Variants in RBM47 observed in about 807,000 individuals in gnomAD.
RBM47 encodes the protein RNA binding motif protein 47, also known as RNA-binding protein 47.
In RBM47, 21 loss-of-function variants were observed where a neutral mutation model predicts 47.1. That is an observed-to-expected ratio of 0.45 (90% CI 0.32 to 0.64). The LOEUF is 0.64. Ranked by LOEUF, RBM47 falls within the 30% of genes least tolerant of loss-of-function variation. The pLI, the probability that RBM47 is intolerant of heterozygous loss-of-function variation, is 0.05. For synonymous variants in RBM47, 375 were observed against 361.7 expected (o/e 1.04, Z -0.42); for missense variants, 708 against 870.9 (o/e 0.81, Z 2.35).
chr4:40,532,319 T>C (rs1727477671), intron 2 of RBM47, among the ~76,000 whole-genome samples: 1 of 140,294 alleles, frequency 7.1e-6, no homozygotes, highest in Admixed American at 7.2e-5. Flanking sequence ...ATTTTTTTTT[T>C]TTTTTTTTTT....
intron 2 of RBM47, among the ~76,000 whole-genome samples, chr4:40,506,338 G>C (rs1724097184): frequency 6.6e-6 from 1 of 152,180 alleles, no homozygotes; most frequent in South Asian, 2.1e-4. Flanking sequence ...TAAGAGTCCG[G>C]TTCCGTTCAT....
intron 1 of RBM47, among the ~76,000 whole-genome samples, chr4:40,622,813 C>T (rs1409111596): frequency 1.3e-5 from 2 of 152,182 alleles, no homozygotes; most frequent in Non-Finnish European, 2.9e-5. Context: ...GCCTGGAAGG[C>T]AGAGGTTGCA....
chr4:40,568,293 C>T (rs34065586), intron 1 of RBM47, among the ~76,000 whole-genome samples: 5,170 of 151,334 alleles, frequency 0.034, 322 homozygotes, highest in African/African-American at 0.12. Flanking sequence ...CTGGGCATGG[C>T]GGCGCAGTGC....
intron 2 of RBM47, among the ~76,000 whole-genome samples, chr4:40,513,952 C>G (rs1215294885): frequency 1.3e-5 from 2 of 152,090 alleles, no homozygotes; most frequent in Non-Finnish European, 2.9e-5. Context: ...CTCCTGACCT[C>G]AAGTGATCCA....
chr4:40,604,563 G>A (rs13119868), intron 1 of RBM47, among the ~76,000 whole-genome samples: 57,252 of 151,776 alleles, frequency 0.38, 11,341 homozygotes, highest in African/African-American at 0.43. Flanking sequence ...GGAGTTAAAG[G>A]CTGCAGTGAG....
intron 3 of RBM47, among the ~76,000 whole-genome samples, chr4:40,453,474 TCTA>T (rs1207638872): frequency 6.6e-6 from 1 of 152,234 alleles, no homozygotes; most frequent in Non-Finnish European, 1.5e-5. Context: ...CAGTAGAAGT[TCTA>T]CTTATCCTCT....
chr4:40,558,585 T>C (rs1411343962), intron 1 of RBM47, among the ~76,000 whole-genome samples: 1 of 149,862 alleles, frequency 6.7e-6, no homozygotes. Context: ...CCCAGCACTT[T>C]GGGAGGCTGA....
At chr4:40,574,379 T>C (rs1187333711) in intron 1 of RBM47, among the ~76,000 whole-genome samples, 1 of 152,204 alleles carries the variant, frequency 6.6e-6, no homozygotes, top group Non-Finnish European at 1.5e-5. Flanking sequence ...GACACCCGAC[T>C]GAGACAAACT....
Position 40,426,163 on chromosome 4 carries a change from A to G in RBM47, c.1543-20T>C, listed in dbSNP as rs1715008475. ...GCGGCCCTGAGGAGAAGAGACAAAAAGGAGCCTTCCTGAACACGTGTATGT... is the reference window on the plus strand; with the variant it reads ...GCGGCCCTGAGGAGAAGAGACAAAAGGGAGCCTTCCTGAACACGTGTATGT... On this transcript the variant is annotated intron_variant, in intron 6 of 6. Coordinates refer to ENST00000295971, the MANE Select transcript of RBM47 (RefSeq NM_001098634.2). 1 of 1,611,072 alleles carries G rather than the reference A, an allele frequency of 6.2e-7. No homozygotes were observed. The highest frequency in any genetic ancestry group is 1.3e-5 in the African/African-American group (1 of 74,842).
At chr4:40,494,534 G>T (rs1722317632) in intron 2 of RBM47, among the ~76,000 whole-genome samples, 1 of 152,204 alleles carries the variant, frequency 6.6e-6, no homozygotes, top group Non-Finnish European at 1.5e-5. Context: ...GGAACAAGGT[G>T]TCATTCAGCT....
chr4:40,601,238 C>T (rs900439542), intron 1 of RBM47, among the ~76,000 whole-genome samples: 30 of 152,182 alleles, frequency 2.0e-4, no homozygotes, highest in African/African-American at 7.2e-4. Flanking sequence ...TCTGAGTCTA[C>T]TTGCTCAACT....
intron 1 of RBM47, among the ~76,000 whole-genome samples, chr4:40,599,207 G>A (rs6840983): frequency 0.052 from 7,449 of 143,294 alleles, 230 homozygotes; most frequent in Middle Eastern, 0.12. Flanking sequence ...GCAGTGGGCC[G>A]AGATCACACC....
At chr4:40,563,409 C>T (rs6841258) in intron 1 of RBM47, among the ~76,000 whole-genome samples, 41,905 of 148,524 alleles carry the variant, frequency 0.28, 7,771 homozygotes, top group African/African-American at 0.56. Context: ...GCTGTAGAAG[C>T]GGTAAAATCA....
chr4:40,478,945 C>T lies in RBM47; in HGVS notation c.-154-12246G>A, dbSNP rs1297874237. Among the ~76,000 whole-genome samples, 3 of 152,226 alleles carry T rather than the reference C, an allele frequency of 2.0e-5. No individual in the cohort carries two copies. In the East Asian group the frequency reaches 5.8e-4, roughly 29 times the overall value. ...GCTGAAACTGTTTATTGTATTAACA[C>T]ATGACTAAAGCATAAAAGAAATTGC... On this transcript the variant is annotated intron_variant, in intron 2 of 6. Transcript: ENST00000295971.
Position 40,619,132 on chromosome 4 carries a change from C to T in RBM47, c.-240+10264G>A, listed in dbSNP as rs537944660. 1.1e-4 allele frequency among the ~76,000 whole-genome samples: 17 copies of T among 152,172 alleles called. No homozygotes were observed. The South Asian group carries it at 3.5e-3, about 32-fold the overall frequency. Reference sequence around the variant, plus strand: ...CTCTCTCCACCAACACCAACACCCCCAAAAATCAACCCCTGGACAGGCGCA... The same window carrying T: ...CTCTCTCCACCAACACCAACACCCCTAAAAATCAACCCCTGGACAGGCGCA... On this transcript the variant is annotated intron_variant, in intron 1 of 6. Transcript: ENST00000295971.
intron 1 of RBM47, among the ~76,000 whole-genome samples, chr4:40,581,202 G>A (rs189609206): frequency 6.6e-6 from 1 of 152,154 alleles, no homozygotes; most frequent in African/African-American, 2.4e-5. Flanking sequence ...TGGGAAGGTT[G>A]CTTGAGTCCA....
rs116780799 is a variant in RBM47 at position 40,531,474 on chromosome 4, G to A, written c.-155+12948C>T. Among the ~76,000 whole-genome samples, 824 of 151,998 alleles carry A rather than the reference G, an allele frequency of 5.4e-3. 6 individuals carry two copies. The highest frequency in any genetic ancestry group is 0.019 in the African/African-American group (797 of 41,454). Reference sequence around the variant, plus strand: ...TGTGGTTGGAGATAAGGGGATAGGCGGAAGGGTGGGTCTGGGTTATGACTT... The same window carrying A: ...TGTGGTTGGAGATAAGGGGATAGGCAGAAGGGTGGGTCTGGGTTATGACTT... On this transcript the variant is annotated intron_variant, in intron 2 of 6. Coordinates refer to ENST00000295971, the MANE Select transcript of RBM47 (RefSeq NM_001098634.2).
chr4:40,585,907 A>G (rs149068318), intron 1 of RBM47, among the ~76,000 whole-genome samples: 1 of 152,346 alleles, frequency 6.6e-6, no homozygotes, highest in East Asian at 1.9e-4. Context: ...AACAGAGCAG[A>G]GTGGGCATTC....
intron 1 of RBM47, among the ~76,000 whole-genome samples, chr4:40,560,020 C>T (rs1730458737): frequency 6.6e-6 from 1 of 152,162 alleles, no homozygotes; most frequent in Non-Finnish European, 1.5e-5. Flanking sequence ...TAACCACGCG[C>T]TCACTTTCTT....
Sources: allele counts gnomAD v4.1 joint callset (sites outside exome capture counted in the v4.1 genomes callset), GRCh38; gene constraint gnomAD v4.1.1; transcripts MANE v1.5; gene names NCBI Gene and HGNC (gene_info 2026-07-23, HGNC 2026-07-21).